Variants in HELQ observed in about 807,000 individuals in gnomAD.
The protein encoded by HELQ is helicase POLQ-like.
HELQ carries 77 observed loss-of-function variants against 111.6 expected under a neutral mutation model. That is an observed-to-expected ratio of 0.69 (90% CI 0.57 to 0.83). The LOEUF (loss-of-function observed/expected upper bound fraction) is 0.83. Ranked by LOEUF, HELQ falls within the 40% of genes least tolerant of loss-of-function variation. HELQ has a pLI of 0.00. For missense variants in HELQ, 1,200 were observed against 1,288.5 expected (o/e 0.93, Z 1.05); for synonymous variants, 438 against 454.7 (o/e 0.96, Z 0.47).
At chr4:83,440,145 A>T in intron 7 of HELQ, 137 bp from the exon 8 acceptor site, 1 of 627,224 alleles carries the variant, frequency 1.6e-6, no homozygotes, top group Non-Finnish European at 2.7e-6. Context: ...ATCATTTAAA[A>T]GAAAAGATGA....
intron 14 of HELQ, among the ~76,000 whole-genome samples, chr4:83,424,860 T>G (rs1719760341): frequency 6.6e-6 from 1 of 152,070 alleles, no homozygotes; most frequent in Non-Finnish European, 1.5e-5. Context: ...GGGCCCAATA[T>G]TTTTGATTTT....
chr4:83,448,929 C>T lies in HELQ; in HGVS notation c.1045G>A (p.Val349Met), dbSNP rs1360791319. ...WQHTCLTLNS[V>M]QERKNLIYSL... is the part of the protein sequence containing the mutation. ...TATATTAAATTTTTTCTTTCTTGCA[C>T]AGAATTCAATGTTAAACAAGTATGT... Residue 349 changes from valine (V) to methionine (M), a missense_variant, in exon 3 of 18, where the codon GTG (valine) becomes ATG (methionine). Around this residue, in one of 3 missense-constraint regions of HELQ, gnomAD observed 610 missense variants for 607.1 expected, o/e 1.00. Transcript: ENST00000295488. 2 of 1,607,942 alleles carry T rather than the reference C, an allele frequency of 1.2e-6. No individual in the cohort carries two copies. The highest frequency in any genetic ancestry group is 1.1e-5 in the South Asian group (1 of 90,358).
chr4:83,415,098 A>G (rs1467462649), intron 17 of HELQ, among the ~76,000 whole-genome samples: 2 of 152,254 alleles, frequency 1.3e-5, no homozygotes, highest in African/African-American at 4.8e-5. Flanking sequence ...ATGAAGCTTC[A>G]AAGAAGCCAA....
Position 83,448,897 on chromosome 4 carries a change from C to A in HELQ, c.1077G>T (p.Leu359Phe), listed in dbSNP as rs1014382205. 6.2e-7 allele frequency: 1 copy of A among 1,612,610 alleles called. No homozygotes were observed. The highest frequency in any genetic ancestry group is 1.3e-5 in the African/African-American group (1 of 74,852). ...VQERKNLIYS[L>F]PTSGGKTLVA... ...CGAGGGTTTTTCCACCACTTGTTGG[C>A]AAGGAATATATTAAATTTTTTCTTT... The change falls in exon 3 of 18, where the codon TTG becomes TTT. Residue 359 changes from leucine (L) to phenylalanine (F), a missense_variant. Coordinates refer to ENST00000295488, the MANE Select transcript of HELQ (RefSeq NM_133636.5).
intron 8 of HELQ, among the ~76,000 whole-genome samples, chr4:83,438,819 C>G (rs1218670016): frequency 5.4e-5 from 8 of 147,650 alleles, no homozygotes; most frequent in Admixed American, 4.7e-4. Flanking sequence ...ACAGTGGTAA[C>G]AGTGATTAGT....
chr4:83,420,468 C>A (rs115982716), intron 15 of HELQ, among the ~76,000 whole-genome samples: 1 of 151,962 alleles, frequency 6.6e-6, no homozygotes, highest in Non-Finnish European at 1.5e-5. Context: ...CCCCCACCCC[C>A]GCCCACCCTT....
At position 83,441,255 on chromosome 4, in the gene HELQ, C is replaced by T. The variant is rs377581277; in HGVS notation, c.1662+50G>A. 9.6e-5 allele frequency: 95 copies of T among 986,496 alleles called. 1 individual carries two copies. The African/African-American group carries it at 1.4e-3, about 14-fold the overall frequency. 61.1% of individuals were successfully genotyped at this position (986,496 alleles called of 1,614,324 possible). Reference sequence around the variant, plus strand: ...GAATCCATTGGAAACTCTTGTTGTGCCCCAGACACAAAGTCTGGTAACCTG... The same window carrying T: ...GAATCCATTGGAAACTCTTGTTGTGTCCCAGACACAAAGTCTGGTAACCTG... On this transcript the variant is annotated intron_variant, in intron 7 of 17. Coordinates refer to ENST00000295488, the MANE Select transcript of HELQ (RefSeq NM_133636.5).
chr4:83,448,518 A>G (rs1272740225), intron 3 of HELQ, among the ~76,000 whole-genome samples: 2 of 151,926 alleles, frequency 1.3e-5, no homozygotes, highest in African/African-American at 4.8e-5. Context: ...AAAAACACAA[A>G]AATTGGCTGG....
chr4:83,407,784 C>T (rs1000996173), intron 17 of HELQ, among the ~76,000 whole-genome samples: 2 of 152,006 alleles, frequency 1.3e-5, no homozygotes, highest in Non-Finnish European at 2.9e-5. Flanking sequence ...TTTTAGTATA[C>T]CAAAAATAAA....
chr4:83,433,925 G>T (rs1291002455), intron 9 of HELQ, among the ~76,000 whole-genome samples: 2 of 144,380 alleles, frequency 1.4e-5, no homozygotes, highest in African/African-American at 5.3e-5. Flanking sequence ...AGGTTGCAGT[G>T]AGCAGATATC....
chr4:83,416,396 T>A (rs1739360671), intron 17 of HELQ, among the ~76,000 whole-genome samples: 1 of 151,732 alleles, frequency 6.6e-6, no homozygotes, highest in Non-Finnish European at 1.5e-5. Context: ...GTTTTTAAAT[T>A]TTTTTGCAGA....
At position 83,446,090 on chromosome 4, in the gene HELQ, C is replaced by T. The variant is rs768275878; in HGVS notation, c.1393-4G>A. ...TTCCTTCACCAATCATGTGCAACTT[C>T]GAGATTTTTTTTAAAAAGGACAGAG... On this transcript the variant is annotated splice_polypyrimidine_tract_variant and splice_region_variant and intron_variant, in intron 4 of 17. Coordinates refer to ENST00000295488, the MANE Select transcript of HELQ (RefSeq NM_133636.5). The T allele has an allele frequency of 6.2e-6, 10 of 1,610,270 alleles. No homozygotes were observed. The highest frequency in any genetic ancestry group is 4.5e-5 in the East Asian group (2 of 44,826).
At chr4:83,435,225 G>A (rs1388109169) in intron 9 of HELQ, among the ~76,000 whole-genome samples, 1 of 152,104 alleles carries the variant, frequency 6.6e-6, no homozygotes, top group Non-Finnish European at 1.5e-5. Flanking sequence ...GCTGTATCAA[G>A]TCAATGCATG....
intron 7 of HELQ, among the ~76,000 whole-genome samples, chr4:83,441,086 C>G (rs530089706): frequency 1.3e-5 from 2 of 152,322 alleles, no homozygotes; most frequent in African/African-American, 4.8e-5. Flanking sequence ...ACCCCAACTT[C>G]ACAAAGATAT....
intron 6 of HELQ, among the ~76,000 whole-genome samples, chr4:83,442,633 G>T (rs1268749024): frequency 6.7e-6 from 1 of 150,060 alleles, no homozygotes; most frequent in Non-Finnish European, 1.5e-5. Context: ...GGATGGTCTC[G>T]ATCTCTTGAC....
chr4:83,410,747 T>C (rs1484021850), intron 17 of HELQ, among the ~76,000 whole-genome samples: 1 of 152,102 alleles, frequency 6.6e-6, no homozygotes, highest in Non-Finnish European at 1.5e-5. Flanking sequence ...GCAGAAGAAA[T>C]GATGCCACAT....
chr4:83,421,344 G>A (rs766572001), intron 15 of HELQ, among the ~76,000 whole-genome samples: 5 of 152,168 alleles, frequency 3.3e-5, no homozygotes, highest in Non-Finnish European at 5.9e-5. Context: ...TGTTTTAGTT[G>A]ACTCAGGAAT....
rs145859525 is a variant in HELQ at position 83,417,265 on chromosome 4, C to T, written c.3064-400G>A. ...TTGCCCAGGCTGGAGTGCAATGGTG[C>T]GATCTTGGCTTATGGCAACCTGCAC... is the stretch of plus-strand genomic sequence containing the variant. On this transcript the variant is annotated intron_variant, in intron 16 of 17. Coordinates refer to ENST00000295488, the MANE Select transcript of HELQ (RefSeq NM_133636.5). 1.3e-3 allele frequency among the ~76,000 whole-genome samples: 200 copies of T among 149,638 alleles called. 1 individual carries two copies. Among genetic ancestry groups the T allele is most frequent in the African/African-American group, 4.6e-3 (186 of 40,546 alleles).
At position 83,429,695 on chromosome 4, in the gene HELQ, C is replaced by T; in HGVS notation, c.2347G>A (p.Gly783Ser). ...TTCAATAAAACCTTTTGCTGAACAC[C>T]AAAAAATGTACCATTCATGAAATGA... Reference protein sequence around the residue: ...IYHFMNGTFFGVQQKVLLKEK... With the variant: ...IYHFMNGTFFSVQQKVLLKEK... Residue 783 changes from glycine (G) to serine (S), a missense_variant, in exon 12 of 18, where the codon GGT (glycine) becomes AGT (serine). Gly to Ser is a moderately conservative substitution (Grantham distance 56). Coordinates refer to ENST00000295488, the MANE Select transcript of HELQ (RefSeq NM_133636.5). 6.2e-7 allele frequency: 1 copy of T among 1,612,824 alleles called. No individual in the cohort carries two copies.
Sources: allele counts gnomAD v4.1 joint callset (sites outside exome capture counted in the v4.1 genomes callset), GRCh38; gene constraint gnomAD v4.1.1; regional missense constraint gnomAD v4.1.1; transcripts MANE v1.5; gene names NCBI Gene and HGNC (gene_info 2026-07-23, HGNC 2026-07-21).